LSM14A: variants seen among roughly 807,000 people sequenced by gnomAD.
The protein encoded by LSM14A is protein LSM14 homolog A.
In LSM14A, 14 loss-of-function variants were observed where a neutral mutation model predicts 52.4. The observed-to-expected ratio is 0.27, with a 90% CI of 0.18 to 0.42. The LOEUF (loss-of-function observed/expected upper bound fraction) is 0.42, where lower values mean the gene tolerates loss of function less well. LSM14A is among the 10% of genes least tolerant of loss of function. The probability of loss-of-function intolerance (pLI) is 1.00; values close to 1 mark genes in which losing one functional copy is unlikely to be tolerated. For synonymous variants in LSM14A, 185 were observed against 200.3 expected (o/e 0.92, Z 0.64); for missense variants, 417 against 581.8 (o/e 0.72, Z 2.91).
At position 34,209,021 on chromosome 19, in the gene LSM14A, A is replaced by T. The variant is rs758648942; in HGVS notation, c.508A>T (p.Thr170Ser). ...SAVGSAFTQD[T>S]RSLKTQLSQG... ...GGTTGGTTCTGCCTTTACACAGGAT[A>T]CAAGATCTCTAAAAACACAGTTATC... Residue 170 changes from threonine (T) to serine (S), a missense_variant, in exon 4 of 10, where the codon ACA becomes TCA. Around this residue, in one of 2 missense-constraint regions of LSM14A, gnomAD observed 357 missense variants for 457.0 expected, o/e 0.78. Coordinates refer to ENST00000544216, the MANE Select transcript of LSM14A (RefSeq NM_015578.4). 1 of 1,593,586 alleles carries T rather than the reference A, an allele frequency of 6.3e-7. No individual in the cohort carries two copies. Among genetic ancestry groups the T allele is most frequent in the Middle Eastern group, 1.7e-4 (1 of 6,020 alleles).
At chr19:34,210,052 G>T (rs1163815814) in intron 4 of LSM14A, among the ~76,000 whole-genome samples, 3 of 151,936 alleles carry the variant, frequency 2.0e-5, no homozygotes, top group Non-Finnish European at 4.4e-5. Context: ...TTAGAAATGG[G>T]TATTTTTGGC....
At chr19:34,210,372 C>G (rs889467338) in intron 4 of LSM14A, among the ~76,000 whole-genome samples, 3 of 151,786 alleles carry the variant, frequency 2.0e-5, no homozygotes, top group African/African-American at 7.3e-5. Context: ...CAGGTTCAAG[C>G]GATTCTCCTG....
At chr19:34,175,855 G>GT (rs141249058) in intron 1 of LSM14A, among the ~76,000 whole-genome samples, 24,056 of 150,796 alleles carry the variant, frequency 0.16, 2,075 homozygotes, top group Middle Eastern at 0.28. Context: ...TTTTGTTTTC[G>GT]TTTTTTTTTG....
rs1246876259 is a variant in LSM14A at position 34,228,593 on chromosome 19, A to G, written c.*1205A>G. 1 of 152,664 alleles carries G rather than the reference A, an allele frequency of 6.6e-6. No individual in the cohort carries two copies. Among genetic ancestry groups the G allele is most frequent in the East Asian group, 1.9e-4 (1 of 5,206 alleles). The allele number at this position is 152,664 out of a possible 1,614,324, so 9.5% of individuals were successfully genotyped here. A position where few individuals can be genotyped will look rare whatever the true frequency, so the allele number is the denominator to read the frequency against. Reference sequence around the variant, plus strand: ...TATGATGACCCACAGATGACTCAGTATAGAGTTCATTGCTAATTATAAATT... The same window carrying G: ...TATGATGACCCACAGATGACTCAGTGTAGAGTTCATTGCTAATTATAAATT... On this transcript the variant is annotated 3_prime_UTR_variant, in exon 10 of 10. Transcript: ENST00000544216.
At chr19:34,217,189 G>A (rs939463183) in intron 6 of LSM14A, among the ~76,000 whole-genome samples, 4 of 150,630 alleles carry the variant, frequency 2.7e-5, no homozygotes, top group Non-Finnish European at 4.4e-5. Flanking sequence ...AACCCGGGAG[G>A]CGAGGTTGTA....
At chr19:34,193,464 A>T (rs1052667653) in intron 1 of LSM14A, among the ~76,000 whole-genome samples, 2 of 152,176 alleles carry the variant, frequency 1.3e-5, no homozygotes, top group African/African-American at 4.8e-5. Flanking sequence ...CCTAGCCAGA[A>T]ATTGGCTTAA....
At chr19:34,188,872 T>C (rs564994569) in intron 1 of LSM14A, among the ~76,000 whole-genome samples, 1 of 151,684 alleles carries the variant, frequency 6.6e-6, no homozygotes, top group East Asian at 1.9e-4. Context: ...GATCATAATT[T>C]GTCTTTTGTT....
chr19:34,209,995 G>A (rs2072015810), intron 4 of LSM14A, among the ~76,000 whole-genome samples: 1 of 152,148 alleles, frequency 6.6e-6, no homozygotes, highest in Admixed American at 6.5e-5. Flanking sequence ...TGGGGCTACA[G>A]CCTTGTGCCA....
chr19:34,221,298 G>A (rs1054080632), intron 8 of LSM14A: 69 of 560,832 alleles, frequency 1.2e-4, no homozygotes, highest in Middle Eastern at 4.9e-4. Flanking sequence ...GGCCAGGCTA[G>A]TCTCGAACTC....
chr19:34,205,336 A>T (rs2071604982), intron 3 of LSM14A, among the ~76,000 whole-genome samples: 1 of 143,170 alleles, frequency 7.0e-6, no homozygotes. Context: ...AAATACAAAA[A>T]TTAGCCAGGT....
At chr19:34,186,243 A>T (rs1190349858) in intron 1 of LSM14A, among the ~76,000 whole-genome samples, 1 of 152,230 alleles carries the variant, frequency 6.6e-6, no homozygotes, top group Non-Finnish European at 1.5e-5. Context: ...AGAACAGATT[A>T]TTTCAGCCCA....
chr19:34,226,537 A>ACATC, intron 9 of LSM14A: 13 of 1,280,354 alleles, frequency 1.0e-5, no homozygotes, highest in Non-Finnish European at 1.3e-5. Flanking sequence ...CTTGTAGCTC[A>ACATC]TTGCTGTCAA....
chr19:34,217,609 C>A (rs945318412), intron 6 of LSM14A, among the ~76,000 whole-genome samples: 2 of 52,032 alleles, frequency 3.8e-5, no homozygotes, highest in Non-Finnish European at 7.1e-5. Flanking sequence ...TTTATATCCC[C>A]CCCCCCCGTG....
chr19:34,172,740 A>G lies in LSM14A; in HGVS notation c.98A>G (p.Asn33Ser), dbSNP rs779409879. The G allele has an allele frequency of 9.5e-6, 15 of 1,573,972 alleles. No homozygotes were observed. In the East Asian group the frequency reaches 3.1e-4, roughly 32 times the overall value. The change falls in exon 1 of 10, where the codon AAC becomes AGC. Residue 33 changes from asparagine (N) to serine (S), a missense_variant. By Grantham distance (46) the Asn-to-Ser change is conservative. Transcript: ENST00000544216. Reference sequence around the variant, plus strand: ...ATCCTCTACACCATCGACACCGAAAACTCCACCGTAGCCCTTGCCAAAGGT... The same window carrying G: ...ATCCTCTACACCATCGACACCGAAAGCTCCACCGTAGCCCTTGCCAAAGGT... Reference protein sequence around the residue: ...EGILYTIDTENSTVALAKVRS... With the variant: ...EGILYTIDTESSTVALAKVRS...
At chr19:34,217,878 A>G (rs961124347) in intron 6 of LSM14A, among the ~76,000 whole-genome samples, 4 of 151,642 alleles carry the variant, frequency 2.6e-5, no homozygotes, top group African/African-American at 7.3e-5. Flanking sequence ...CTGCCATACT[A>G]TCTTTCATTG....
Position 34,172,664 on chromosome 19 carries a change from A to G in LSM14A, c.22A>G (p.Ile8Val). MSGGTPY[I>V]GSKISLISKA... The stretch of plus-strand genomic sequence containing the variant: ...CGCCATGAGCGGGGGCACCCCTTAC[A>G]TCGGCAGCAAGATCAGCCTCATCTC... Residue 8 changes from isoleucine (I) to valine (V), a missense_variant, in exon 1 of 10, where the codon ATC becomes GTC. Physicochemically the swap from Ile to Val is conservative, Grantham distance 29. Coordinates refer to ENST00000544216, the MANE Select transcript of LSM14A (RefSeq NM_015578.4). The G allele has an allele frequency of 6.3e-7, 1 of 1,575,670 alleles. No homozygotes were observed. The highest frequency in any genetic ancestry group is 8.6e-7 in the Non-Finnish European group (1 of 1,162,830).
intron 1 of LSM14A, among the ~76,000 whole-genome samples, chr19:34,173,200 G>C (rs1462424811): frequency 1.3e-5 from 2 of 152,194 alleles, no homozygotes; most frequent in Non-Finnish European, 2.9e-5. Context: ...ATTTCAATTC[G>C]TGGCGATCTT....
At chr19:34,172,829 G>A in intron 1 of LSM14A, 66 bp downstream of exon 1, 2 of 1,473,116 alleles carry the variant, frequency 1.4e-6, no homozygotes, top group Admixed American at 3.0e-5. Flanking sequence ...TCCCCGCTCC[G>A]GCCCGCGGCC....
At chr19:34,208,897 A>T (rs1231991527) in intron 3 of LSM14A, 32 bp from the exon 4 acceptor site, 16 of 1,487,262 alleles carry the variant, frequency 1.1e-5, no homozygotes, top group African/African-American at 2.8e-5. Flanking sequence ...ATTTTTTAAA[A>T]TTTTTTTATC....
Sources: allele counts gnomAD v4.1 joint callset (sites outside exome capture counted in the v4.1 genomes callset), GRCh38; gene constraint gnomAD v4.1.1; regional missense constraint gnomAD v4.1.1; transcripts MANE v1.5; gene names NCBI Gene and HGNC (gene_info 2026-07-23, HGNC 2026-07-21).